Variants in AGBL1 observed in about 807,000 individuals in gnomAD.
AGBL1 encodes the protein cytosolic carboxypeptidase 4.
In AGBL1, 130 loss-of-function variants were observed where a neutral mutation model predicts 118.9. The ratio of observed to expected loss-of-function variants is 1.09; its 90% CI spans 0.95 to 1.26. The LOEUF (loss-of-function observed/expected upper bound fraction) is 1.26, where lower values mean the gene tolerates loss of function less well. AGBL1 is among the 50% of genes most tolerant of loss of function. The pLI, the probability that AGBL1 is intolerant of heterozygous loss-of-function variation, is 0.00. For synonymous variants in AGBL1, 555 were observed against 478.9 expected, an observed-to-expected ratio of 1.16 and a Z score of -2.08; for missense variants, 1,584 against 1,298.1, an observed-to-expected ratio of 1.22 and a Z score of -3.38.
In AGBL1 at chr15:86,269,908, C is replaced by T. The variant is rs1304361742; in HGVS notation, c.1839-11C>T. 6.2e-7 allele frequency: 1 copy of T among 1,613,056 alleles called. No individual in the cohort carries two copies. The highest frequency in any genetic ancestry group is 8.5e-7 in the Non-Finnish European group (1 of 1,179,330). ...TCCAGATAACCCTCCAGTCTTGCTT[C>T]TGATCTGCAGGTTCGAGTATGACTT... On this transcript the variant is annotated splice_polypyrimidine_tract_variant and intron_variant, in intron 13 of 22. Coordinates refer to ENST00000614907, the MANE Select transcript of AGBL1 (RefSeq NM_001386094.1).
intron 19 of AGBL1, among the ~76,000 whole-genome samples, chr15:86,543,454 C>A (rs970897827): frequency 1.3e-5 from 2 of 152,082 alleles, no homozygotes; most frequent in African/African-American, 4.8e-5. Flanking sequence ...CTTTTACTGT[C>A]GTGTGTTTCA....
At chr15:86,623,106 C>T (rs1164165289) in intron 21 of AGBL1, among the ~76,000 whole-genome samples, 1 of 152,200 alleles carries the variant, frequency 6.6e-6, no homozygotes, top group East Asian at 1.9e-4. Context: ...ACAGATGAAG[C>T]TTCACTCTCT....
At chr15:86,120,328 A>G (rs1219832627) in intron 1 of AGBL1, among the ~76,000 whole-genome samples, 1 of 152,202 alleles carries the variant, frequency 6.6e-6, no homozygotes, top group East Asian at 1.9e-4. Context: ...ATGCAAAGCT[A>G]AGTCACTCCT....
intron 7 of AGBL1, among the ~76,000 whole-genome samples, chr15:86,250,837 A>T (rs2078804180): frequency 6.6e-6 from 1 of 152,124 alleles, no homozygotes; most frequent in Non-Finnish European, 1.5e-5. Context: ...CCCTTCTGCT[A>T]GAGAAGGCAT....
At chr15:86,373,320 C>T (rs1323329226) in intron 17 of AGBL1, among the ~76,000 whole-genome samples, 1 of 152,172 alleles carries the variant, frequency 6.6e-6, no homozygotes, top group Non-Finnish European at 1.5e-5. Context: ...ACCCTTTCAA[C>T]ACTTAGAAGC....
intron 24 of AGBL1, among the ~76,000 whole-genome samples, chr15:86,993,943 CT>C (rs2081355333): frequency 6.6e-6 from 1 of 152,086 alleles, no homozygotes; most frequent in African/African-American, 2.4e-5. Flanking sequence ...TGATCCAAAC[CT>C]GAGTTCTACA....
chr15:86,929,154 T>A (rs1294188873), intron 23 of AGBL1, among the ~76,000 whole-genome samples: 1 of 152,176 alleles, frequency 6.6e-6, no homozygotes, highest in Non-Finnish European at 1.5e-5. Flanking sequence ...TCTTTCCTAT[T>A]TGGTTTTCAT....
At chr15:86,211,109 C>T (rs539533731) in intron 5 of AGBL1, among the ~76,000 whole-genome samples, 5 of 152,194 alleles carry the variant, frequency 3.3e-5, no homozygotes, top group South Asian at 4.1e-4. Flanking sequence ...TGCTGGAGGT[C>T]CACTCCAGAC....
At chr15:86,550,274 C>T (rs2083646549) in intron 20 of AGBL1, among the ~76,000 whole-genome samples, 1 of 151,862 alleles carries the variant, frequency 6.6e-6, no homozygotes, top group South Asian at 2.1e-4. Context: ...AAATGTAAAT[C>T]CAAAAATATC....
intron 18 of AGBL1, among the ~76,000 whole-genome samples, chr15:86,402,341 G>A (rs2081461572): frequency 6.6e-6 from 1 of 152,154 alleles, no homozygotes; most frequent in East Asian, 1.9e-4. Context: ...TTGATTAGAT[G>A]TAGGAGCTCT....
At chr15:86,224,084 G>T (rs991714814) in intron 5 of AGBL1, among the ~76,000 whole-genome samples, 1 of 152,160 alleles carries the variant, frequency 6.6e-6, no homozygotes, top group Non-Finnish European at 1.5e-5. Flanking sequence ...GGTGGAAACA[G>T]ATCACTGCTT....
At chr15:86,933,219 TG>T (rs1180500500) in intron 23 of AGBL1, among the ~76,000 whole-genome samples, 1 of 152,202 alleles carries the variant, frequency 6.6e-6, no homozygotes, top group Non-Finnish European at 1.5e-5. Context: ...ACAGGCTGGC[TG>T]TCCCTGTTCA....
chr15:86,948,796 A>G (rs1239833605), intron 23 of AGBL1, among the ~76,000 whole-genome samples: 1 of 152,256 alleles, frequency 6.6e-6, no homozygotes, highest in Non-Finnish European at 1.5e-5. Context: ...TAAAATAACT[A>G]TTTGATATCT....
At chr15:86,451,254 A>G (rs1281758711) in intron 18 of AGBL1, among the ~76,000 whole-genome samples, 2 of 152,138 alleles carry the variant, frequency 1.3e-5, no homozygotes, top group Admixed American at 1.3e-4. Flanking sequence ...TTGTTCTATC[A>G]TTGCTGGTCA....
rs531496283 is a variant in AGBL1, at chr15:86,571,818, C to T, written c.2994+17281C>T. 4.1e-4 allele frequency among the ~76,000 whole-genome samples: 62 copies of T among 152,266 alleles called. No individual in the cohort carries two copies. In the Middle Eastern group the frequency reaches 0.017, roughly 42 times the overall value. ...GGTCTGGGGGTCTCGTGGCCCAGCCCCCAGGCTTCAGGCCCTCCCTGGCTT... is the reference window on the plus strand; with the variant it reads ...GGTCTGGGGGTCTCGTGGCCCAGCCTCCAGGCTTCAGGCCCTCCCTGGCTT... On this transcript the variant is annotated intron_variant, in intron 21 of 22. Coordinates refer to ENST00000614907, the MANE Select transcript of AGBL1 (RefSeq NM_001386094.1).
At chr15:86,435,150 T>G (rs973290277) in intron 18 of AGBL1, among the ~76,000 whole-genome samples, 9 of 152,226 alleles carry the variant, frequency 5.9e-5, no homozygotes, top group Admixed American at 2.6e-4. Flanking sequence ...AATACATATT[T>G]GTCATTAACC....
intron 21 of AGBL1, among the ~76,000 whole-genome samples, chr15:86,673,680 GTTA>G (rs1417247415): frequency 2.0e-5 from 3 of 152,132 alleles, no homozygotes; most frequent in East Asian, 1.9e-4. Flanking sequence ...TTGGTCAATT[GTTA>G]TTATTATCTG....
chr15:86,924,630 G>C (rs959591018), intron 23 of AGBL1, among the ~76,000 whole-genome samples: 2 of 152,290 alleles, frequency 1.3e-5, no homozygotes, highest in Middle Eastern at 3.4e-3. Context: ...GGGAAGCAGA[G>C]AGGGAATTGT....
intron 18 of AGBL1, among the ~76,000 whole-genome samples, chr15:86,415,100 C>A (rs994881956): frequency 6.6e-6 from 1 of 152,124 alleles, no homozygotes; most frequent in Non-Finnish European, 1.5e-5. Flanking sequence ...CAGTGGGTAC[C>A]ACTAACTGCT....
Sources: gnomAD v4.1 joint callset for allele counts (sites outside exome capture counted in the v4.1 genomes callset) on GRCh38, gnomAD v4.1.1 for gene constraint, MANE v1.5 for transcripts, NCBI Gene and HGNC (gene_info 2026-07-23, HGNC 2026-07-21) for gene names.